Variants in KLHL2 observed in about 807,000 individuals in gnomAD.
KLHL2 encodes the protein kelch-like protein 2.
A neutral mutation model predicts 75.8 loss-of-function variants in KLHL2; 15 were observed. The observed-to-expected ratio is 0.20, with a 90% CI of 0.13 to 0.30. The LOEUF (loss-of-function observed/expected upper bound fraction) is 0.30. Ranked by LOEUF, KLHL2 falls within the 10% of genes least tolerant of loss-of-function variation. KLHL2 has a pLI of 1.00. For missense variants in KLHL2, 381 were observed against 741.0 expected, an observed-to-expected ratio of 0.51 and a Z score of 5.64; for synonymous variants, 214 against 251.9, an observed-to-expected ratio of 0.85 and a Z score of 1.42.
intron 5 of KLHL2, among the ~76,000 whole-genome samples, chr4:165,264,735 T>TATAC (rs1742071218): frequency 5.0e-5 from 4 of 79,792 alleles, no homozygotes; most frequent in South Asian, 8.6e-4. Flanking sequence ...TATATATATA[T>TATAC]ATATGTATAT....
At chr4:165,217,202 A>G (rs545367712) in intron 1 of KLHL2, among the ~76,000 whole-genome samples, 8 of 152,356 alleles carry the variant, frequency 5.3e-5, no homozygotes, top group African/African-American at 1.7e-4. Flanking sequence ...CAAATATAGA[A>G]TAAGTATTAC....
intron 1 of KLHL2, among the ~76,000 whole-genome samples, chr4:165,211,521 C>T (rs1358588026): frequency 6.6e-6 from 1 of 152,138 alleles, no homozygotes; most frequent in Non-Finnish European, 1.5e-5. Flanking sequence ...ACAGGATACC[C>T]AGTATTCATT....
intron 4 of KLHL2, among the ~76,000 whole-genome samples, chr4:165,257,843 G>A (rs896028338): frequency 8.6e-5 from 13 of 151,938 alleles, no homozygotes; most frequent in African/African-American, 3.1e-4. Flanking sequence ...TCCTTTGCAG[G>A]AAGACAGTAA....
In KLHL2 at chr4:165,264,765, T is replaced by TATATATAA. The variant is rs1477707346; in HGVS notation, c.544+1407_544+1408insTATATAAA. 2.3e-3 allele frequency among the ~76,000 whole-genome samples: 213 copies of TATATATAA among 93,986 alleles called. 1 individual carries two copies. Among genetic ancestry groups the TATATATAA allele is most frequent in the Non-Finnish European group, 3.2e-3 (162 of 50,192 alleles). The allele number at this position is 93,986 out of a possible 152,430, so 61.7% of individuals were successfully genotyped here. A position where few individuals can be genotyped will look rare whatever the true frequency, so the allele number is the denominator to read the frequency against. On this transcript the variant is annotated intron_variant, in intron 5 of 14. Transcript: ENST00000226725. ...GTATATATATATATATATATATATA[T>TATATATAA]AAAACATTATCCACTCATTGGCTGA...
chr4:165,274,734 A>G (rs956364561), intron 5 of KLHL2, among the ~76,000 whole-genome samples: 10 of 152,224 alleles, frequency 6.6e-5, no homozygotes, highest in Non-Finnish European at 7.3e-5. Context: ...AATACATTAT[A>G]ATTAAATTAA....
intron 4 of KLHL2, among the ~76,000 whole-genome samples, chr4:165,244,101 A>T (rs1740034288): frequency 6.6e-6 from 1 of 152,166 alleles, no homozygotes; most frequent in Admixed American, 6.5e-5. Flanking sequence ...TGAAATCTCA[A>T]TGCAAAATCT....
intron 8 of KLHL2, among the ~76,000 whole-genome samples, chr4:165,303,268 C>T (rs1424364160): frequency 1.3e-5 from 2 of 152,090 alleles, no homozygotes; most frequent in African/African-American, 4.8e-5. Flanking sequence ...AAATAGAAAT[C>T]TTATATTCAA....
chr4:165,242,858 G>A (rs977071615), intron 4 of KLHL2, among the ~76,000 whole-genome samples: 1 of 152,154 alleles, frequency 6.6e-6, no homozygotes, highest in African/African-American at 2.4e-5. Context: ...GTCTGTGTGT[G>A]TATGTGCATG....
intron 5 of KLHL2, among the ~76,000 whole-genome samples, chr4:165,286,200 G>A (rs889149292): frequency 1.3e-5 from 2 of 152,112 alleles, no homozygotes; most frequent in African/African-American, 4.8e-5. Context: ...GTGGCCCAAG[G>A]TAGTAATTAA....
intron 5 of KLHL2, among the ~76,000 whole-genome samples, chr4:165,292,613 G>A (rs1395854899): frequency 1.3e-5 from 2 of 152,128 alleles, no homozygotes; most frequent in South Asian, 2.1e-4. Context: ...GATTACAGGC[G>A]TGAGCCACCA....
At chr4:165,250,320 C>T (rs1740602979) in intron 4 of KLHL2, among the ~76,000 whole-genome samples, 1 of 152,180 alleles carries the variant, frequency 6.6e-6, no homozygotes, top group Admixed American at 6.5e-5. Flanking sequence ...GAAAGTTCAT[C>T]TTCAAGGTGA....
chr4:165,299,566 A>G lies in KLHL2; in HGVS notation c.831A>G (p.Glu277=). The G allele has an allele frequency of 6.2e-7, 1 of 1,612,956 alleles. No individual in the cohort carries two copies. Among genetic ancestry groups the G allele is most frequent in the South Asian group, 1.1e-5 (1 of 91,040 alleles). ...GTGCTTGCAAAGATTACCTCATTGAAGCAATGAAGTACCATTTGCTGCCAA... is the reference window on the plus strand; with the variant it reads ...GTGCTTGCAAAGATTACCTCATTGAGGCAATGAAGTACCATTTGCTGCCAA... ...NSSACKDYLI[E]AMKYHLLPTE... Residue 277 remains glutamate, a synonymous_variant, in exon 8 of 15, where the codon GAA becomes GAG. Coordinates refer to ENST00000226725, the MANE Select transcript of KLHL2 (RefSeq NM_007246.4).
intron 4 of KLHL2, among the ~76,000 whole-genome samples, chr4:165,244,376 C>A (rs975490801): frequency 6.6e-6 from 1 of 152,142 alleles, no homozygotes; most frequent in Non-Finnish European, 1.5e-5. Flanking sequence ...GAGGAGCAGA[C>A]GTGTGCAAGC....
At chr4:165,282,283 T>A (rs1743751861) in intron 5 of KLHL2, among the ~76,000 whole-genome samples, 1 of 152,194 alleles carries the variant, frequency 6.6e-6, no homozygotes, top group Non-Finnish European at 1.5e-5. Context: ...AACTGTTGAT[T>A]TTTACTGTAC....
intron 3 of KLHL2, among the ~76,000 whole-genome samples, chr4:165,233,218 G>T (rs1008539314): frequency 6.6e-6 from 1 of 152,152 alleles, no homozygotes; most frequent in African/African-American, 2.4e-5. Context: ...TAGTCACAGG[G>T]TTTTACTTTG....
chr4:165,313,969 T>C (rs1746410476), intron 12 of KLHL2, 57 bp from the exon 13 acceptor site: 1 of 1,545,224 alleles, frequency 6.5e-7, no homozygotes, highest in Admixed American at 2.0e-5. Context: ...ATAAACCTAA[T>C]ATGATATAAA....
At chr4:165,305,581 C>A in intron 8 of KLHL2, 27 bp from the exon 9 acceptor site, 4 of 1,536,106 alleles carry the variant, frequency 2.6e-6, no homozygotes, top group South Asian at 1.1e-5. Context: ...GTCATTTGTT[C>A]AAGTGCTTAC....
At chr4:165,287,691 G>A (rs1011267439) in intron 5 of KLHL2, among the ~76,000 whole-genome samples, 4 of 152,080 alleles carry the variant, frequency 2.6e-5, no homozygotes, top group African/African-American at 9.7e-5. Flanking sequence ...TTTGCTAGTA[G>A]CCACCCTAAT....
chr4:165,316,691 G>A (rs999197737), intron 13 of KLHL2, among the ~76,000 whole-genome samples: 1 of 151,822 alleles, frequency 6.6e-6, no homozygotes, highest in African/African-American at 2.4e-5. Flanking sequence ...CACTGTTCAG[G>A]GGATCTTTGT....
Sources: gnomAD v4.1 joint callset for allele counts (sites outside exome capture counted in the v4.1 genomes callset) on GRCh38, gnomAD v4.1.1 for gene constraint, MANE v1.5 for transcripts, NCBI Gene and HGNC (gene_info 2026-07-23, HGNC 2026-07-21) for gene names.